The following DPYD variants were observed in gnomAD, a reference collection of about 807,000 sequenced individuals.
The protein encoded by DPYD is dihydropyrimidine dehydrogenase [NADP(+)].
In DPYD, 109 loss-of-function variants were observed where a neutral mutation model predicts 116.2. The ratio of observed to expected loss-of-function variants is 0.94; its 90% CI spans 0.80 to 1.10. The LOEUF is 1.10. Ranked by LOEUF, DPYD falls within the 50% of genes least tolerant of loss-of-function variation. The pLI is 0.00. For missense variants in DPYD, 1,302 were observed against 1,254.5 expected (o/e 1.04, Z -0.57); for synonymous variants, 440 against 432.0 (o/e 1.02, Z -0.23).
At chr1:97,660,397 T>C (rs544449592) in intron 8 of DPYD, among the ~76,000 whole-genome samples, 2 of 152,160 alleles carry the variant, frequency 1.3e-5, no homozygotes, top group African/African-American at 4.8e-5. Context: ...AATAAAGGTA[T>C]CATCCCTAGT....
At chr1:97,099,818 A>G (rs1650535597) in intron 20 of DPYD, among the ~76,000 whole-genome samples, 1 of 152,080 alleles carries the variant, frequency 6.6e-6, no homozygotes, top group Non-Finnish European at 1.5e-5. Context: ...CTGGTCCTCT[A>G]GAGACCTCAG....
intron 13 of DPYD, among the ~76,000 whole-genome samples, chr1:97,464,058 G>A (rs1677167219): frequency 6.6e-6 from 1 of 151,884 alleles, no homozygotes; most frequent in African/African-American, 2.4e-5. Context: ...GGTCAACATG[G>A]TGACACCCTG....
At chr1:97,313,078 A>G (rs896620766) in intron 16 of DPYD, among the ~76,000 whole-genome samples, 14 of 151,954 alleles carry the variant, frequency 9.2e-5, no homozygotes, top group Admixed American at 5.9e-4. Context: ...AACCAGGCAC[A>G]CAATAAAATG....
chr1:97,340,140 T>A (rs897735679), intron 16 of DPYD, among the ~76,000 whole-genome samples: 10 of 152,054 alleles, frequency 6.6e-5, no homozygotes, highest in African/African-American at 2.4e-4. Flanking sequence ...CACAAAATAT[T>A]ATAATAATAA....
intron 16 of DPYD, among the ~76,000 whole-genome samples, chr1:97,320,256 T>C (rs1217846271): frequency 1.4e-5 from 2 of 144,116 alleles, no homozygotes; most frequent in South Asian, 2.4e-4. Context: ...GAGAAAGAAA[T>C]AAAGGGTATT....
intron 8 of DPYD, among the ~76,000 whole-genome samples, chr1:97,620,944 T>C (rs1291755852): frequency 1.3e-5 from 2 of 152,158 alleles, no homozygotes; most frequent in African/African-American, 4.8e-5. Context: ...AATAAAAAAG[T>C]TTAGCATTTC....
At chr1:97,847,763 C>A (rs1009557985) in intron 2 of DPYD, among the ~76,000 whole-genome samples, 1 of 151,980 alleles carries the variant, frequency 6.6e-6, no homozygotes, top group African/African-American at 2.4e-5. Context: ...GGGTGGGCTG[C>A]GAGCTAATAC....
chr1:97,469,973 A>G (rs906083506), intron 13 of DPYD, among the ~76,000 whole-genome samples: 3 of 152,188 alleles, frequency 2.0e-5, no homozygotes, highest in African/African-American at 7.2e-5. Context: ...TCTTGCAAAT[A>G]ACAAATGGAT....
chr1:97,823,631 C>A (rs1388990075), intron 3 of DPYD, among the ~76,000 whole-genome samples: 1 of 151,966 alleles, frequency 6.6e-6, no homozygotes, highest in African/African-American at 2.4e-5. Flanking sequence ...TTAACATTAA[C>A]ATTTTCTAGG....
At chr1:97,128,046 C>T (rs1351809509) in intron 20 of DPYD, among the ~76,000 whole-genome samples, 3 of 152,132 alleles carry the variant, frequency 2.0e-5, no homozygotes, top group Non-Finnish European at 4.4e-5. Flanking sequence ...AGTGCAGGTT[C>T]CTCAGTATCA....
intron 18 of DPYD, among the ~76,000 whole-genome samples, chr1:97,239,465 C>T (rs1662175195): frequency 6.6e-6 from 1 of 151,890 alleles, no homozygotes; most frequent in Admixed American, 6.6e-5. Flanking sequence ...TTTTTAAGCA[C>T]CTATGGCTTT....
At chr1:97,864,467 G>A (rs1476082155) in intron 2 of DPYD, among the ~76,000 whole-genome samples, 1 of 151,792 alleles carries the variant, frequency 6.6e-6, no homozygotes, top group African/African-American at 2.4e-5. Context: ...GAATTGATTT[G>A]GAAGAAAGGA....
intron 4 of DPYD, among the ~76,000 whole-genome samples, chr1:97,731,988 T>C (rs1039179110): frequency 2.0e-5 from 3 of 152,148 alleles, no homozygotes; most frequent in African/African-American, 7.2e-5. Flanking sequence ...TGTTACTCGT[T>C]TCATATAAAA....
chr1:97,755,836 G>C (rs1204731861), intron 3 of DPYD, among the ~76,000 whole-genome samples: 1 of 152,074 alleles, frequency 6.6e-6, no homozygotes, highest in Non-Finnish European at 1.5e-5. Flanking sequence ...AATATATGTG[G>C]AACATTTGGA....
intron 16 of DPYD, among the ~76,000 whole-genome samples, chr1:97,346,612 G>A (rs375899154): frequency 9.2e-5 from 14 of 151,612 alleles, no homozygotes; most frequent in South Asian, 4.1e-4. Context: ...AACATTTACC[G>A]TACTGCCTAT....
chr1:97,365,523 T>C (rs917260985), intron 16 of DPYD, among the ~76,000 whole-genome samples: 3 of 152,218 alleles, frequency 2.0e-5, no homozygotes, highest in Non-Finnish European at 4.4e-5. Flanking sequence ...TCAAACTCAC[T>C]GTGATGTGAA....
chr1:97,873,432 C>T (rs1671754702), intron 2 of DPYD, among the ~76,000 whole-genome samples: 1 of 151,830 alleles, frequency 6.6e-6, no homozygotes, highest in African/African-American at 2.4e-5. Context: ...ATAATACTCA[C>T]AGTTCATACT....
intron 13 of DPYD, among the ~76,000 whole-genome samples, chr1:97,469,488 T>TA (rs1256541032): frequency 2.0e-5 from 3 of 151,024 alleles, no homozygotes; most frequent in Non-Finnish European, 4.4e-5. Context: ...GTTGATTTTT[T>TA]AAAAAACAGT....
At chr1:97,145,662 T>A (rs1017275400) in intron 20 of DPYD, among the ~76,000 whole-genome samples, 12 of 151,980 alleles carry the variant, frequency 7.9e-5, no homozygotes, top group African/African-American at 2.9e-4. Flanking sequence ...AAGATCACTG[T>A]AATGAATGCG....
Sources: allele counts gnomAD v4.1 joint callset (sites outside exome capture counted in the v4.1 genomes callset), GRCh38; gene constraint gnomAD v4.1.1; transcripts MANE v1.5; gene names NCBI Gene and HGNC (gene_info 2026-07-23, HGNC 2026-07-21).